DGKI: variants seen among roughly 807,000 people sequenced by gnomAD.
The protein encoded by DGKI is diacylglycerol kinase iota, also known as DAG kinase iota.
A neutral mutation model predicts 147.5 loss-of-function variants in DGKI; 55 were observed. The observed-to-expected ratio is 0.37, with a 90% CI of 0.30 to 0.47. The LOEUF is 0.47. DGKI is among the 20% of genes least tolerant of loss of function. DGKI has a pLI of 1.00. For synonymous variants in DGKI, 469 were observed against 477.1 expected (o/e 0.98, Z 0.22); for missense variants, 1,007 against 1,323.8 (o/e 0.76, Z 3.71).
intron 1 of DGKI, chr7:137,722,453 G>C: frequency 6.2e-7 from 1 of 1,610,896 alleles, no homozygotes; most frequent in Non-Finnish European, 8.5e-7. Flanking sequence ...CTCACTGGAC[G>C]CCACAGGGGC....
chr7:137,625,685 C>A (rs1820911434), intron 6 of DGKI, among the ~76,000 whole-genome samples: 2 of 150,468 alleles, frequency 1.3e-5, no homozygotes, highest in African/African-American at 4.9e-5. Flanking sequence ...ATTGCTTGAG[C>A]CCTGGAGTTT....
intron 23 of DGKI, among the ~76,000 whole-genome samples, chr7:137,471,935 T>C (rs1487119949): frequency 7.1e-6 from 1 of 140,232 alleles, no homozygotes; most frequent in African/African-American, 2.7e-5. Context: ...TATGTATATA[T>C]AATATATACA....
At chr7:137,472,862 G>T (rs1815033683) in intron 23 of DGKI, among the ~76,000 whole-genome samples, 1 of 152,026 alleles carries the variant, frequency 6.6e-6, no homozygotes, top group Non-Finnish European at 1.5e-5. Flanking sequence ...TCTGCATTTT[G>T]ATGTTGAATA....
intron 1 of DGKI, among the ~76,000 whole-genome samples, chr7:137,712,138 A>C (rs990520834): frequency 6.6e-6 from 1 of 152,192 alleles, no homozygotes; most frequent in Non-Finnish European, 1.5e-5. Flanking sequence ...AATAAAAAGC[A>C]AGGGAACAAT....
intron 2 of DGKI, among the ~76,000 whole-genome samples, chr7:137,679,385 G>A (rs1823150501): frequency 6.6e-6 from 1 of 150,986 alleles, no homozygotes; most frequent in East Asian, 1.9e-4. Flanking sequence ...GCGGTATTGG[G>A]GAAAGGGGGA....
intron 15 of DGKI, among the ~76,000 whole-genome samples, chr7:137,580,053 C>A (rs1819134660): frequency 6.6e-6 from 1 of 152,096 alleles, no homozygotes; most frequent in Admixed American, 6.6e-5. Context: ...ATTAGAAAAA[C>A]TTCCGGATAA....
intron 14 of DGKI, among the ~76,000 whole-genome samples, chr7:137,582,718 G>C (rs548197689): frequency 1.8e-4 from 27 of 152,184 alleles, no homozygotes; most frequent in Admixed American, 2.6e-4. Context: ...TGAATGAAGA[G>C]AACTCTGCAG....
chr7:137,553,683 G>A (rs1818127799), intron 19 of DGKI, among the ~76,000 whole-genome samples: 1 of 152,066 alleles, frequency 6.6e-6, no homozygotes, highest in Non-Finnish European at 1.5e-5. Context: ...ATATACACAT[G>A]TGAACCTCCA....
chr7:137,472,344 AT>A (rs1324934350), intron 23 of DGKI, among the ~76,000 whole-genome samples: 1,337 of 66,818 alleles, frequency 0.02, 213 homozygotes, highest in African/African-American at 0.13. Context: ...TATACATATA[AT>A]TATTATATGT....
chr7:137,645,595 C>A, intron 5 of DGKI, 58 bp from the exon 6 acceptor site: 1 of 1,459,500 alleles, frequency 6.9e-7, no homozygotes, highest in Non-Finnish European at 9.3e-7. Flanking sequence ...TAGACAGGGT[C>A]TTGCTCTGTC....
chr7:137,692,676 A>C (rs1823653937), intron 1 of DGKI, among the ~76,000 whole-genome samples: 1 of 152,228 alleles, frequency 6.6e-6, no homozygotes, highest in Non-Finnish European at 1.5e-5. Flanking sequence ...TGTCTATGAA[A>C]GATAATGTGG....
intron 27 of DGKI, among the ~76,000 whole-genome samples, chr7:137,444,549 C>T (rs553387521): frequency 7.2e-5 from 11 of 152,208 alleles, no homozygotes; most frequent in Non-Finnish European, 1.0e-4. Context: ...TAGCATGCAC[C>T]CTTATCATTA....
intron 19 of DGKI, among the ~76,000 whole-genome samples, chr7:137,564,262 A>G (rs188254715): frequency 6.6e-6 from 1 of 152,304 alleles, no homozygotes; most frequent in Admixed American, 6.5e-5. Context: ...TAAAAGCCAA[A>G]ATTATAAATC....
At position 137,846,927 on chromosome 7, in the gene DGKI, G is replaced by A; in HGVS notation, c.-65C>T. Reference sequence around the variant, plus strand: ...CTCACTCCCCCGCCCCGGCCAATCAGAGGCCGCCGCTCCCCGCCTCCCGCG... The same window carrying A: ...CTCACTCCCCCGCCCCGGCCAATCAAAGGCCGCCGCTCCCCGCCTCCCGCG... On this transcript the variant is annotated 5_prime_UTR_variant, in exon 1 of 33. Coordinates refer to ENST00000614521, the MANE Select transcript of DGKI (RefSeq NM_001321708.2). This position sits in a 1 kb window ranked among gnomAD's most constrained non-coding sequence, Gnocchi z 4.0. 1 of 1,052,512 alleles carries A rather than the reference G, an allele frequency of 9.5e-7. No homozygotes were observed. The highest frequency in any genetic ancestry group is 1.2e-6 in the Non-Finnish European group (1 of 868,754). The allele number at this position is 1,052,512 out of a possible 1,614,324, so 65.2% of individuals were successfully genotyped here.
intron 21 of DGKI, among the ~76,000 whole-genome samples, chr7:137,504,747 T>A (rs1228165556): frequency 6.6e-6 from 1 of 151,810 alleles, no homozygotes; most frequent in Non-Finnish European, 1.5e-5. Context: ...AATAGCCTTT[T>A]AAAAAAAACC....
At chr7:137,736,342 G>A (rs1460718736) in intron 1 of DGKI, among the ~76,000 whole-genome samples, 2 of 152,216 alleles carry the variant, frequency 1.3e-5, no homozygotes, top group East Asian at 3.9e-4. Context: ...TAAGGCTAAT[G>A]TAGGGGTTCT....
rs1384906168 is a variant in DGKI at position 137,390,792 on chromosome 7, G to A, written c.*428C>T. On this transcript the variant is annotated 3_prime_UTR_variant, in exon 33 of 33. Transcript: ENST00000614521. ...CTTCCAAGACTGAATGTAAAGAGAA[G>A]AGATAATATTTTTCTTTAAGTTGAT... is the stretch of plus-strand genomic sequence containing the variant. 1.2e-5 allele frequency: 2 copies of A among 169,192 alleles called. No homozygotes were observed. The highest frequency in any genetic ancestry group is 1.1e-4 in the Admixed American group (2 of 17,912). 10.5% of individuals were successfully genotyped at this position (169,192 alleles called of 1,614,324 possible). A position where few individuals can be genotyped will look rare whatever the true frequency, so the allele number is the denominator to read the frequency against.
intron 28 of DGKI, among the ~76,000 whole-genome samples, chr7:137,437,081 T>C (rs143641733): frequency 1.3e-5 from 2 of 152,302 alleles, no homozygotes; most frequent in Non-Finnish European, 2.9e-5. Flanking sequence ...GGCACTCACT[T>C]TGGGATCAGG....
intron 1 of DGKI, among the ~76,000 whole-genome samples, chr7:137,752,425 G>A (rs938584683): frequency 2.6e-5 from 4 of 152,076 alleles, no homozygotes; most frequent in Non-Finnish European, 5.9e-5. Context: ...TTCCGCTAAG[G>A]GAGGAGACCA....
Sources: allele counts gnomAD v4.1 joint callset (sites outside exome capture counted in the v4.1 genomes callset), GRCh38; gene constraint gnomAD v4.1.1; non-coding constraint Gnocchi (gnomAD v3.1); transcripts MANE v1.5; gene names NCBI Gene and HGNC (gene_info 2026-07-23, HGNC 2026-07-21).